The following CSMD1 variants were observed in gnomAD, a reference collection of about 807,000 sequenced individuals.
The protein encoded by CSMD1 is CUB and Sushi multiple domains 1, also known as CUB and sushi domain-containing protein 1.
A neutral mutation model predicts 417.5 loss-of-function variants in CSMD1; 213 were observed. The ratio of observed to expected loss-of-function variants is 0.51; its 90% CI spans 0.46 to 0.57. CSMD1 has a LOEUF of 0.57. CSMD1 is among the 20% of genes least tolerant of loss of function. The probability of loss-of-function intolerance (pLI) is 0.00; values close to 1 mark genes in which losing one functional copy is unlikely to be tolerated. For synonymous variants in CSMD1, 2,862 were observed against 1,736.8 expected, an observed-to-expected ratio of 1.65 and a Z score of -16.11; for missense variants, 6,923 against 4,529.7, an observed-to-expected ratio of 1.53 and a Z score of -15.17.
intron 11 of CSMD1, among the ~76,000 whole-genome samples, chr8:3,484,879 C>T (rs1563082373): frequency 6.6e-6 from 1 of 152,156 alleles, no homozygotes; most frequent in Non-Finnish European, 1.5e-5. Context: ...AACGAGGTGT[C>T]ATTACACAAC....
At chr8:3,125,419 A>C (rs570531519) in intron 41 of CSMD1, among the ~76,000 whole-genome samples, 37 of 152,240 alleles carry the variant, frequency 2.4e-4, no homozygotes, top group Non-Finnish European at 4.7e-4. Flanking sequence ...CACCCTCATA[A>C]ATGGGTTGTA....
chr8:3,492,134 T>C (rs1285165541), intron 11 of CSMD1, among the ~76,000 whole-genome samples: 1 of 152,202 alleles, frequency 6.6e-6, no homozygotes, highest in African/African-American at 2.4e-5. Context: ...CTTAAGATCT[T>C]TAACCTATTG....
At chr8:4,214,014 G>A (rs373973923) in intron 3 of CSMD1, among the ~76,000 whole-genome samples, 34 of 152,258 alleles carry the variant, frequency 2.2e-4, no homozygotes, top group Non-Finnish European at 3.7e-4. Context: ...AAGTTCTGAC[G>A]ATGTAAGTAA....
intron 1 of CSMD1, among the ~76,000 whole-genome samples, chr8:4,892,173 G>A (rs1462771455): frequency 6.6e-6 from 1 of 152,012 alleles, no homozygotes; most frequent in Non-Finnish European, 1.5e-5. Flanking sequence ...GTTTCATTAA[G>A]GCATAATTGA....
At chr8:4,494,233 A>G (rs1196114592) in intron 2 of CSMD1, among the ~76,000 whole-genome samples, 1 of 152,248 alleles carries the variant, frequency 6.6e-6, no homozygotes, top group Non-Finnish European at 1.5e-5. Context: ...ACAGATTTCC[A>G]TGTAAACTGA....
At chr8:3,422,763 G>A (rs187465056) in intron 12 of CSMD1, among the ~76,000 whole-genome samples, 25 of 152,304 alleles carry the variant, frequency 1.6e-4, no homozygotes, top group South Asian at 2.1e-4. Context: ...TGTATGAAGA[G>A]CAGAAATGTA....
chr8:3,241,364 T>C (rs79165806), intron 26 of CSMD1, among the ~76,000 whole-genome samples: 64 of 151,680 alleles, frequency 4.2e-4, no homozygotes, highest in Non-Finnish European at 6.9e-4. Context: ...GTGGAGTGGG[T>C]AGCCTCCATA....
intron 3 of CSMD1, among the ~76,000 whole-genome samples, chr8:4,145,317 A>AT (rs1439015506): frequency 3.3e-5 from 5 of 151,064 alleles, no homozygotes; most frequent in Non-Finnish European, 5.9e-5. Flanking sequence ...GGTACTCACC[A>AT]TTTTTTGAGG....
In CSMD1 at chr8:3,268,287, C is replaced by CTTTTTTTTTTTTTTTTTT. The variant is rs1172040830; in HGVS notation, c.4153+15856_4153+15857insAAAAAAAAAAAAAAAAAA. ...AGGGTGTGGTCAGATGGTTCATTTC[C>CTTTTTTTTTTTTTTTTTT]TATTTTTTTTTTTTTTTTTTTTTTT... is the stretch of plus-strand genomic sequence containing the variant. On this transcript the variant is annotated intron_variant, in intron 26 of 69. Transcript: ENST00000635120. Among the ~76,000 whole-genome samples, 7 of 114,652 alleles carry CTTTTTTTTTTTTTTTTTT rather than the reference C, an allele frequency of 6.1e-5. 2 individuals carry two copies. The highest frequency in any genetic ancestry group is 1.0e-4 in the Non-Finnish European group (6 of 58,094). 75.2% of individuals were successfully genotyped at this position (114,652 alleles called of 152,430 possible).
At chr8:4,532,839 G>A (rs1291968172) in intron 2 of CSMD1, among the ~76,000 whole-genome samples, 11 of 135,598 alleles carry the variant, frequency 8.1e-5, no homozygotes, top group African/African-American at 2.3e-4. Context: ...CAGTCACTCC[G>A]GAAAAGAAAT....
chr8:4,940,984 T>C (rs1807956458), intron 1 of CSMD1, among the ~76,000 whole-genome samples: 1 of 152,226 alleles, frequency 6.6e-6, no homozygotes, highest in African/African-American at 2.4e-5. Flanking sequence ...TATTTTTTCT[T>C]AAAGTTCAAG....
In CSMD1 at chr8:3,507,315, C is replaced by T. The variant is rs1190884042; in HGVS notation, c.1345-13589G>A. Among the ~76,000 whole-genome samples, 4 of 152,264 alleles carry T rather than the reference C, an allele frequency of 2.6e-5. No homozygotes were observed. The Middle Eastern group carries it at 0.01, about 388-fold the overall frequency. ...GAATATTTTTTAGCTTCATCCATGT[C>T]CCTAAAAAGGACATGAACTCATCAT... On this transcript the variant is annotated intron_variant, in intron 10 of 69. Coordinates refer to ENST00000635120, the MANE Select transcript of CSMD1 (RefSeq NM_033225.6).
chr8:3,888,514 T>C (rs987417373), intron 5 of CSMD1, among the ~76,000 whole-genome samples: 3 of 152,224 alleles, frequency 2.0e-5, no homozygotes, highest in Non-Finnish European at 2.9e-5. Flanking sequence ...CAAAGCGCTT[T>C]GCTGGCTCCC....
chr8:3,941,308 T>A (rs1440815711), intron 5 of CSMD1, among the ~76,000 whole-genome samples: 1 of 152,186 alleles, frequency 6.6e-6, no homozygotes, highest in South Asian at 2.1e-4. Context: ...CCAGATTCTC[T>A]GGAAACATCC....
intron 7 of CSMD1, among the ~76,000 whole-genome samples, chr8:3,654,161 C>T (rs571872111): frequency 6.6e-6 from 1 of 152,212 alleles, no homozygotes; most frequent in Non-Finnish European, 1.5e-5. Context: ...TGTGCACACA[C>T]ACATCACTGA....
intron 10 of CSMD1, among the ~76,000 whole-genome samples, chr8:3,547,513 A>T (rs767244468): frequency 2.0e-5 from 3 of 152,194 alleles, no homozygotes; most frequent in Non-Finnish European, 2.9e-5. Flanking sequence ...ATGCCTGATC[A>T]CGTCTCTCAA....
chr8:3,038,620 T>G (rs1242055065), intron 50 of CSMD1, among the ~76,000 whole-genome samples: 1 of 152,218 alleles, frequency 6.6e-6, no homozygotes, highest in African/African-American at 2.4e-5. Flanking sequence ...GGTTTTACCA[T>G]GCACTGCATA....
chr8:3,790,026 C>T (rs145868567), intron 5 of CSMD1, among the ~76,000 whole-genome samples: 19 of 152,230 alleles, frequency 1.2e-4, no homozygotes, highest in East Asian at 9.7e-4. Flanking sequence ...CCACCATGCC[C>T]GGCCGATCAT....
At position 3,747,699 on chromosome 8, in the gene CSMD1, A is replaced by G. The variant is rs536656849; in HGVS notation, c.931+6231T>C. Among the ~76,000 whole-genome samples, 17 of 152,234 alleles carry G rather than the reference A, an allele frequency of 1.1e-4. No individual in the cohort carries two copies. The South Asian group carries it at 3.1e-3, about 28-fold the overall frequency. ...GCCTAGCTGCTCATTTCTGTTGGAC[A>G]CATGCCTGAAATGTTCCTTATGTTC... On this transcript the variant is annotated intron_variant, in intron 6 of 69. Transcript: ENST00000635120.
Sources: gnomAD v4.1 joint callset for allele counts (sites outside exome capture counted in the v4.1 genomes callset) on GRCh38, gnomAD v4.1.1 for gene constraint, MANE v1.5 for transcripts, NCBI Gene and HGNC (gene_info 2026-07-23, HGNC 2026-07-21) for gene names.